The following RNF213 variants were observed in gnomAD, a reference collection of about 807,000 sequenced individuals.
RNF213 encodes the protein E3 ubiquitin-protein ligase RNF213.
Under a neutral mutation model 514.4 loss-of-function variants are expected in RNF213, and 341 were observed. The observed-to-expected ratio is 0.66, with a 90% CI of 0.61 to 0.73. The LOEUF (loss-of-function observed/expected upper bound fraction) is 0.73. RNF213 is among the 30% of genes least tolerant of loss of function. RNF213 has a pLI of 0.00. For synonymous variants in RNF213, 2,655 were observed against 2,658.2 expected (o/e 1.00, Z 0.04); for missense variants, 5,767 against 6,615.6 (o/e 0.87, Z 4.45).
chr17:80,393,279 G>T (rs1490226432), intron 67 of RNF213, 66 bp from the exon 68 acceptor site: 5 of 1,503,696 alleles, frequency 3.3e-6, no homozygotes, highest in Non-Finnish European at 3.7e-6. Flanking sequence ...CACAGTGCTG[G>T]GCTTACACAC....
At chr17:80,374,196 C>T (rs544776869) in intron 49 of RNF213, among the ~76,000 whole-genome samples, 9 of 152,246 alleles carry the variant, frequency 5.9e-5, no homozygotes, top group African/African-American at 1.7e-4. Flanking sequence ...TGCGGTGCGC[C>T]GCAAACGGAG....
At chr17:80,350,530 T>G in intron 31 of RNF213, 134 bp downstream of exon 31, 3 of 679,898 alleles carry the variant, frequency 4.4e-6, no homozygotes, top group Non-Finnish European at 7.9e-6. Context: ...TTCCCCCGCC[T>G]CATTCCCCCA....
intron 3 of RNF213, chr17:80,278,677 C>T: frequency 6.7e-7 from 1 of 1,488,154 alleles, no homozygotes; most frequent in Non-Finnish European, 9.0e-7. Flanking sequence ...AGGAGGTGGC[C>T]CCTGAGGTGG....
intron 8 of RNF213, among the ~76,000 whole-genome samples, chr17:80,293,700 G>A (rs933116341): frequency 1.8e-4 from 28 of 152,210 alleles, no homozygotes; most frequent in African/African-American, 3.4e-4. Context: ...GGCAGCGGGC[G>A]CCTGTAGTCC....
rs1324065817 is a variant in RNF213 at position 80,288,982 on chromosome 17, C to T, written c.933+227C>T. Reference sequence around the variant, plus strand: ...GGGAGAGAGGGCACCCAGGTGGGCCCCGAGGTACCATGGCACCCACAGCCC... The same window carrying T: ...GGGAGAGAGGGCACCCAGGTGGGCCTCGAGGTACCATGGCACCCACAGCCC... On this transcript the variant is annotated intron_variant, in intron 5 of 67. Transcript: ENST00000582970. This position sits in a 1 kb window ranked among gnomAD's most constrained non-coding sequence, Gnocchi z 4.9. 1.3e-5 allele frequency among the ~76,000 whole-genome samples: 2 copies of T among 152,056 alleles called. No individual in the cohort carries two copies. Among genetic ancestry groups the T allele is most frequent in the Non-Finnish European group, 2.9e-5 (2 of 67,996 alleles).
rs1350773197 is a variant in RNF213, at chr17:80,263,002, G to A, written c.-108-572G>A. Among the ~76,000 whole-genome samples the A allele has an allele frequency of 2.6e-5, 4 of 152,206 alleles. No individual in the cohort carries two copies. Among genetic ancestry groups the A allele is most frequent in the Non-Finnish European group, 5.9e-5 (4 of 68,046 alleles). On this transcript the variant is annotated intron_variant, in intron 1 of 67. Coordinates refer to ENST00000582970, the MANE Select transcript of RNF213 (RefSeq NM_001256071.3). The surrounding 1 kb of genome is among the most constrained non-coding windows in gnomAD (Gnocchi z 4.9). Reference sequence around the variant, plus strand: ...GAGGGAGAGAGTCAGGTCCTCCACTGTTAGGTGGCCAAGCGCCCAAACGCC... The same window carrying A: ...GAGGGAGAGAGTCAGGTCCTCCACTATTAGGTGGCCAAGCGCCCAAACGCC...
At chr17:80,351,204 TG>T (rs2078498052) in intron 31 of RNF213, among the ~76,000 whole-genome samples, 1 of 152,224 alleles carries the variant, frequency 6.6e-6, no homozygotes, top group African/African-American at 2.4e-5. Flanking sequence ...AAAGGTCCAC[TG>T]GGTACAGGGG....
rs2044626768 is a variant in RNF213, at chr17:80,289,838, G to A, written c.1112+1G>A. 2 of 1,607,302 alleles carry A rather than the reference G, an allele frequency of 1.2e-6. No homozygotes were observed. The highest frequency in any genetic ancestry group is 8.5e-7 in the Non-Finnish European group (1 of 1,177,290). On this transcript the variant is annotated splice_donor_variant, in intron 6 of 67. Coordinates refer to ENST00000582970, the MANE Select transcript of RNF213 (RefSeq NM_001256071.3). LOFTEE classifies it high-confidence loss of function. ...CAGATGTCCAGGAAGTGAAGGCAAG[G>A]TAGGGATGCCCCCGCAGGGGAGCAA...
At chr17:80,370,373 A>C (rs2079468307) in intron 46 of RNF213, among the ~76,000 whole-genome samples, 1 of 152,168 alleles carries the variant, frequency 6.6e-6, no homozygotes, top group Non-Finnish European at 1.5e-5. Flanking sequence ...GTTGGTATGG[A>C]CCCTTGGGTG....
chr17:80,392,621 G>A (rs967107307), intron 67 of RNF213, among the ~76,000 whole-genome samples: 4 of 150,232 alleles, frequency 2.7e-5, no homozygotes, highest in African/African-American at 4.9e-5. Context: ...TTTTTTTCTC[G>A]CTCTGTCGCC....
At chr17:80,275,479 A>G (rs1439860277) in intron 3 of RNF213, among the ~76,000 whole-genome samples, 1 of 151,940 alleles carries the variant, frequency 6.6e-6, no homozygotes, top group African/African-American at 2.4e-5. Context: ...GGGGGAATAA[A>G]ATTTTGAAAA....
intron 3 of RNF213, among the ~76,000 whole-genome samples, chr17:80,274,602 G>T (rs117920635): frequency 0.011 from 247 of 22,878 alleles, 6 homozygotes; most frequent in East Asian, 0.062. Flanking sequence ...GGTGAGTGGG[G>T]TGAGTGTGGG....
chr17:80,393,799 G>C lies in RNF213; in HGVS notation c.*301G>C. 1 of 380,086 alleles carries C rather than the reference G, an allele frequency of 2.6e-6. No homozygotes were observed. Among genetic ancestry groups the C allele is most frequent in the African/African-American group, 2.1e-5 (1 of 48,066 alleles). The allele number at this position is 380,086 out of a possible 1,614,324, so 23.5% of individuals were successfully genotyped here. A position where few individuals can be genotyped will look rare whatever the true frequency, so the allele number is the denominator to read the frequency against. The stretch of plus-strand genomic sequence containing the variant: ...ATAAACCAACATTGTTTACATTCCA[G>C]GAGACTTGTAGCTCAGCCACACACG... On this transcript the variant is annotated 3_prime_UTR_variant, in exon 68 of 68. Transcript: ENST00000582970.
Position 80,385,163 on chromosome 17 carries a change from A to G in RNF213, c.14447A>G (p.His4816Arg), listed in dbSNP as rs758526654. The change falls in exon 60 of 68, where the codon CAC (histidine) becomes CGC (arginine). Residue 4816 changes from histidine (H) to arginine (R), a missense_variant. By Grantham distance (29) the His-to-Arg change is conservative. Transcript: ENST00000582970. ...YSSIRGFLSKHSSDGLRQLLH... is the reference protein window; with the variant it reads ...YSSIRGFLSKRSSDGLRQLLH... ...TCCATCAGAGGCTTCCTCAGCAAGC[A>G]CAGCTCAGGTGTGGCTCTGCTCTGA... 1 of 1,614,182 alleles carries G rather than the reference A, an allele frequency of 6.2e-7. No homozygotes were observed. The highest frequency in any genetic ancestry group is 8.5e-7 in the Non-Finnish European group (1 of 1,180,026).
chr17:80,358,939 T>C (rs58617429), intron 37 of RNF213, among the ~76,000 whole-genome samples: 87,697 of 151,898 alleles, frequency 0.58, 25,540 homozygotes, highest in Non-Finnish European at 0.61. Context: ...TACGAAGCTC[T>C]GAGAAATTTC....
At chr17:80,371,727 A>G in intron 46 of RNF213, 147 bp from the exon 47 acceptor site, 1 of 600,534 alleles carries the variant, frequency 1.7e-6, no homozygotes, top group African/African-American at 1.9e-5. Context: ...AAGGTTTTCC[A>G]TAAAATCTTA....
intron 3 of RNF213, among the ~76,000 whole-genome samples, chr17:80,275,040 TGG>T (rs756590601): frequency 3.8e-5 from 3 of 78,986 alleles, no homozygotes; most frequent in African/African-American, 1.6e-4. Flanking sequence ...GTGTGTGTGT[TGG>T]GGGTGTGTGT....
At chr17:80,281,743 G>A (rs1467731208) in intron 3 of RNF213, among the ~76,000 whole-genome samples, 1 of 151,414 alleles carries the variant, frequency 6.6e-6, no homozygotes, top group Non-Finnish European at 1.5e-5. Context: ...TTGCCCACAG[G>A]GGGTCGGTTC....
intron 2 of RNF213, among the ~76,000 whole-genome samples, chr17:80,268,386 A>ACTGCAT (rs1391147324): frequency 1.4e-5 from 2 of 145,712 alleles, no homozygotes; most frequent in East Asian, 4.1e-4. Flanking sequence ...AAAAGGCAGT[A>ACTGCAT]CTGCATCCCC....
Sources: allele counts gnomAD v4.1 joint callset (sites outside exome capture counted in the v4.1 genomes callset), GRCh38; gene constraint gnomAD v4.1.1; non-coding constraint Gnocchi (gnomAD v3.1); transcripts MANE v1.5; gene names NCBI Gene and HGNC (gene_info 2026-07-23, HGNC 2026-07-21).